The following PCNX1 variants were observed in gnomAD, a reference collection of about 807,000 sequenced individuals.
PCNX1 encodes pecanex 1, also known as pecanex-like protein 1.
A neutral mutation model predicts 242.2 loss-of-function variants in PCNX1; 78 were observed. The ratio of observed to expected loss-of-function variants is 0.32; its 90% CI spans 0.27 to 0.39. The LOEUF (loss-of-function observed/expected upper bound fraction) is 0.39. PCNX1 is among the 10% of genes least tolerant of loss of function. PCNX1 has a pLI of 1.00. For synonymous variants in PCNX1, 1,024 were observed against 1,032.9 expected (o/e 0.99, Z 0.17); for missense variants, 2,581 against 2,856.5 (o/e 0.90, Z 2.20).
chr14:70,958,481 G>A (rs532883636), intron 2 of PCNX1, among the ~76,000 whole-genome samples: 4 of 152,268 alleles, frequency 2.6e-5, no homozygotes, highest in Admixed American at 2.6e-4. Flanking sequence ...TGAAAAGTCT[G>A]CACATGAGGG....
At position 70,962,272 on chromosome 14, in the gene PCNX1, A is replaced by G. The variant is rs774538141; in HGVS notation, c.409A>G (p.Thr137Ala). 2 of 1,613,744 alleles carry G rather than the reference A, an allele frequency of 1.2e-6. No individual in the cohort carries two copies. Among genetic ancestry groups the G allele is most frequent in the African/African-American group, 1.3e-5 (1 of 75,008 alleles). ...AATGTCTGAGTTCATCCGAGAGGCC[A>G]CACCCCCAGTTGGTTGCAGTTCCAG... ...IEMSEFIREA[T>A]PPVGCSSRNS... is the part of the protein sequence containing the mutation. The change falls in exon 3 of 36, where the codon ACA becomes GCA. Residue 137 changes from threonine to alanine, a missense_variant. Physicochemically the swap from Thr to Ala is moderately conservative, Grantham distance 58. Transcript: ENST00000304743.
chr14:70,963,917 G>A lies in PCNX1; in HGVS notation c.468+1586G>A, dbSNP rs1036944692. Among the ~76,000 whole-genome samples the A allele has an allele frequency of 5.3e-5, 8 of 152,152 alleles. 1 individual carries two copies. The highest frequency in any genetic ancestry group is 6.5e-5 in the Admixed American group (1 of 15,274). On this transcript the variant is annotated intron_variant, in intron 3 of 35. Coordinates refer to ENST00000304743, the MANE Select transcript of PCNX1 (RefSeq NM_014982.3). ...CATCACTGTATCATGCGGCTCATTC[G>A]GACTGATCTAGTGAGTACAGAACAT...
chr14:70,998,860 G>A (rs1216460928), intron 8 of PCNX1, among the ~76,000 whole-genome samples: 1 of 151,218 alleles, frequency 6.6e-6, no homozygotes, highest in Non-Finnish European at 1.5e-5. Context: ...AATGACTTAA[G>A]TGTTGGATGA....
chr14:71,096,175 GGAC>G (rs2062274316), intron 30 of PCNX1, among the ~76,000 whole-genome samples: 1 of 151,798 alleles, frequency 6.6e-6, no homozygotes, highest in African/African-American at 2.4e-5. Flanking sequence ...ATAATTAGCT[GGAC>G]GTGGCAGTGT....
At chr14:70,953,875 C>T (rs1003541623) in intron 2 of PCNX1, among the ~76,000 whole-genome samples, 1 of 151,912 alleles carries the variant, frequency 6.6e-6, no homozygotes, top group Non-Finnish European at 1.5e-5. Context: ...ACCATGTTGG[C>T]CAGGCTGGTC....
intron 28 of PCNX1, among the ~76,000 whole-genome samples, chr14:71,083,320 A>C (rs1458015998): frequency 1.3e-5 from 2 of 151,984 alleles, no homozygotes; most frequent in Non-Finnish European, 2.9e-5. Context: ...GAATCTGACG[A>C]TTATGTGTCT....
At chr14:71,057,776 A>G (rs1349192330) in intron 26 of PCNX1, 52 bp downstream of exon 26, 3 of 1,198,362 alleles carry the variant, frequency 2.5e-6, no homozygotes, top group Non-Finnish European at 1.2e-6. Flanking sequence ...GTGGCACCTT[A>G]GTTTTACATG....
At chr14:71,087,826 TAAAA>T (rs1336739596) in intron 28 of PCNX1, among the ~76,000 whole-genome samples, 2 of 152,080 alleles carry the variant, frequency 1.3e-5, no homozygotes, top group Non-Finnish European at 2.9e-5. Context: ...ATGTAATTGT[TAAAA>T]AATAAAAAGG....
At chr14:71,062,119 G>C (rs1303237328) in intron 26 of PCNX1, among the ~76,000 whole-genome samples, 1 of 152,198 alleles carries the variant, frequency 6.6e-6, no homozygotes, top group African/African-American at 2.4e-5. Context: ...ATGAATGAAA[G>C]AAACAAACCA....
Position 71,045,146 on chromosome 14 carries a change from A to T in PCNX1, c.3881A>T (p.Tyr1294Phe), listed in dbSNP as rs777657555. The change falls in exon 20 of 36, where the codon TAT becomes TTT. Residue 1294 changes from tyrosine to phenylalanine, a missense_variant. Tyr to Phe is a conservative substitution (Grantham distance 22). Coordinates refer to ENST00000304743, the MANE Select transcript of PCNX1 (RefSeq NM_014982.3). ...VFTVLQPALKYVLYTLVGFVG... is the reference protein window; with the variant it reads ...VFTVLQPALKFVLYTLVGFVG... ...TATTTTTTTTAGCCTGCCCTCAAGT[A>T]TGTGTTGTATACATTGGTTGGCTTT... 59 of 1,600,562 alleles carry T rather than the reference A, an allele frequency of 3.7e-5. 1 individual carries two copies. Among genetic ancestry groups the T allele is most frequent in the East Asian group, 1.6e-4 (7 of 44,644 alleles).
intron 8 of PCNX1, among the ~76,000 whole-genome samples, chr14:71,003,345 C>T (rs894042692): frequency 6.6e-6 from 1 of 152,102 alleles, no homozygotes; most frequent in Non-Finnish European, 1.5e-5. Flanking sequence ...CCCGCCTCGG[C>T]CCCCCAAAGC....
At chr14:70,978,671 T>C (rs753023140) in intron 6 of PCNX1, 23 bp downstream of exon 6, 1 of 1,578,958 alleles carries the variant, frequency 6.3e-7, no homozygotes, top group Non-Finnish European at 8.6e-7. Context: ...TAAGAAGAGA[T>C]TTCTGTAAGA....
chr14:70,993,611 G>A (rs925847085), intron 7 of PCNX1, among the ~76,000 whole-genome samples: 1 of 152,122 alleles, frequency 6.6e-6, no homozygotes, highest in Non-Finnish European at 1.5e-5. Context: ...CTGTGTTGAA[G>A]ATGAGCATAT....
At chr14:70,925,052 G>A (rs1337488380) in intron 1 of PCNX1, among the ~76,000 whole-genome samples, 3 of 151,450 alleles carry the variant, frequency 2.0e-5, no homozygotes, top group East Asian at 1.9e-4. Flanking sequence ...GCAGTGGTGC[G>A]ATCTCAGCTC....
At chr14:71,063,003 T>C (rs1258803169) in intron 26 of PCNX1, among the ~76,000 whole-genome samples, 1 of 152,200 alleles carries the variant, frequency 6.6e-6, no homozygotes, top group Non-Finnish European at 1.5e-5. Context: ...TAGGCTATAT[T>C]ATATAGCCAA....
At chr14:71,007,371 A>G (rs2059697114) in intron 8 of PCNX1, among the ~76,000 whole-genome samples, 1 of 152,150 alleles carries the variant, frequency 6.6e-6, no homozygotes. Context: ...ACAGATACAT[A>G]TTATTTTTAA....
rs146815725 is a variant in PCNX1 at position 70,907,565 on chromosome 14, G to A, written c.-286G>A. 0.018 allele frequency: 3,191 copies of A among 176,478 alleles called. 51 individuals are homozygous for A. Among genetic ancestry groups the A allele is most frequent in the Non-Finnish European group, 0.026 (2,229 of 85,542 alleles). 10.9% of individuals were successfully genotyped at this position (176,478 alleles called of 1,614,324 possible). A position where few individuals can be genotyped will look rare whatever the true frequency, so the allele number is the denominator to read the frequency against. On this transcript the variant is annotated 5_prime_UTR_variant, in exon 1 of 36. Coordinates refer to ENST00000304743, the MANE Select transcript of PCNX1 (RefSeq NM_014982.3). Reference sequence around the variant, plus strand: ...CGGGGGCCGGGCCGCGGCTCCGGGTGTTAGGAGACAAGATGGCGGCGGCTC... The same window carrying A: ...CGGGGGCCGGGCCGCGGCTCCGGGTATTAGGAGACAAGATGGCGGCGGCTC...
Position 70,952,199 on chromosome 14 carries a change from A to G in PCNX1, c.362+5076A>G, listed in dbSNP as rs971357753. Among the ~76,000 whole-genome samples the G allele has an allele frequency of 5.8e-4, 89 of 152,170 alleles. 1 individual carries two copies. Among genetic ancestry groups the G allele is most frequent in the Admixed American group, 1.7e-3 (26 of 15,280 alleles). ...CATGGTAACACTTGATAATTGTTCT[A>G]ATTATTTCTGGATATTATATATATT... On this transcript the variant is annotated intron_variant, in intron 2 of 35. Coordinates refer to ENST00000304743, the MANE Select transcript of PCNX1 (RefSeq NM_014982.3).
intron 2 of PCNX1, among the ~76,000 whole-genome samples, chr14:70,953,330 G>GTTAA (rs1272627592): frequency 5.3e-5 from 8 of 151,932 alleles, no homozygotes; most frequent in African/African-American, 1.9e-4. Context: ...GTGACTTTCA[G>GTTAA]TTAAGCTTTC....
Sources: gnomAD v4.1 joint callset for allele counts (sites outside exome capture counted in the v4.1 genomes callset) on GRCh38, gnomAD v4.1.1 for gene constraint, MANE v1.5 for transcripts, NCBI Gene and HGNC (gene_info 2026-07-23, HGNC 2026-07-21) for gene names.